The following IMMP2L variants were observed in gnomAD, a reference collection of about 807,000 sequenced individuals.
IMMP2L encodes mitochondrial inner membrane protease subunit 2.
In IMMP2L, 18 loss-of-function variants were observed where a neutral mutation model predicts 19.3. That is an observed-to-expected ratio of 0.93 (90% CI 0.64 to 1.38). IMMP2L has a LOEUF of 1.38. IMMP2L is among the 40% of genes most tolerant of loss of function. The probability of loss-of-function intolerance (pLI) is 0.00; values close to 1 mark genes in which losing one functional copy is unlikely to be tolerated. For missense variants in IMMP2L, 233 were observed against 218.2 expected (o/e 1.07, Z -0.43); for synonymous variants, 76 against 73.0 (o/e 1.04, Z -0.21).
chr7:110,817,299 G>A (rs1327840357), intron 5 of IMMP2L, among the ~76,000 whole-genome samples: 1 of 151,992 alleles, frequency 6.6e-6, no homozygotes, highest in Non-Finnish European at 1.5e-5. Flanking sequence ...AAAATCACGA[G>A]CATTCTTATA....
chr7:110,700,508 G>A (rs1053907019), intron 5 of IMMP2L, among the ~76,000 whole-genome samples: 1 of 152,120 alleles, frequency 6.6e-6, no homozygotes, highest in African/African-American at 2.4e-5. Flanking sequence ...CACAAATACT[G>A]TTTGACCAGT....
At chr7:111,426,237 C>T (rs1362540824) in intron 3 of IMMP2L, among the ~76,000 whole-genome samples, 1 of 151,070 alleles carries the variant, frequency 6.6e-6, no homozygotes, top group Non-Finnish European at 1.5e-5. Flanking sequence ...AATATATGTA[C>T]ATTAATCCCT....
chr7:111,087,015 G>C (rs979180219), intron 3 of IMMP2L, among the ~76,000 whole-genome samples: 1 of 152,164 alleles, frequency 6.6e-6, no homozygotes, highest in Non-Finnish European at 1.5e-5. Flanking sequence ...TGAGTACCTT[G>C]TGCAGTAGAA....
At chr7:110,775,477 T>C (rs895514976) in intron 5 of IMMP2L, among the ~76,000 whole-genome samples, 1 of 152,028 alleles carries the variant, frequency 6.6e-6, no homozygotes, top group African/African-American at 2.4e-5. Context: ...TTTTCTAAAC[T>C]TAAACTAGTA....
chr7:111,123,080 A>G lies in IMMP2L; in HGVS notation c.240-159515T>C, dbSNP rs1166699018. Reference sequence around the variant, plus strand: ...ACTGGCCTGGATTTATCTCAAAACAATTTATCTTCAGTCACCAATATTAAT... The same window carrying G: ...ACTGGCCTGGATTTATCTCAAAACAGTTTATCTTCAGTCACCAATATTAAT... On this transcript the variant is annotated intron_variant, in intron 3 of 5. Transcript: ENST00000405709. The surrounding 1 kb of genome is among the most constrained non-coding windows in gnomAD (Gnocchi z 6.4). 1 of 1,613,828 alleles carries G rather than the reference A, an allele frequency of 6.2e-7. No homozygotes were observed. The highest frequency in any genetic ancestry group is 8.5e-7 in the Non-Finnish European group (1 of 1,179,924).
At chr7:111,065,128 T>C (rs1438214041) in intron 3 of IMMP2L, among the ~76,000 whole-genome samples, 1 of 152,224 alleles carries the variant, frequency 6.6e-6, no homozygotes, top group Non-Finnish European at 1.5e-5. Context: ...ACTGTAATTA[T>C]CATGAGTATT....
At position 110,758,273 on chromosome 7, in the gene IMMP2L, G is replaced by GA. The variant is rs1447360332; in HGVS notation, c.409-94553dup. Among the ~76,000 whole-genome samples, 3 of 151,928 alleles carry GA rather than the reference G, an allele frequency of 2.0e-5. No homozygotes were observed. The highest frequency in any genetic ancestry group is 4.4e-5 in the Non-Finnish European group (3 of 67,966). ...GAGTGGACTTAAGAGAATGGGAGGA[G>GA]AAAAAACACCAGTTGTGAGTAAAGA... is the stretch of plus-strand genomic sequence containing the variant. On this transcript the variant is annotated intron_variant, in intron 5 of 5. Transcript: ENST00000405709. This position sits in a 1 kb window ranked among gnomAD's most constrained non-coding sequence, Gnocchi z 4.6.
intron 3 of IMMP2L, among the ~76,000 whole-genome samples, chr7:111,447,003 G>C (rs890375107): frequency 4.1e-5 from 6 of 146,934 alleles, no homozygotes; most frequent in African/African-American, 1.5e-4. Context: ...GGGAAGTTTA[G>C]AGAAAAAAGA....
chr7:111,546,921 G>A (rs568060712), intron 1 of IMMP2L, among the ~76,000 whole-genome samples: 22 of 152,268 alleles, frequency 1.4e-4, no homozygotes, highest in Middle Eastern at 6.8e-3. Context: ...CCCAGGTAAC[G>A]AGAACTTATT....
chr7:110,800,961 C>T (rs1801198351), intron 5 of IMMP2L, among the ~76,000 whole-genome samples: 1 of 152,036 alleles, frequency 6.6e-6, no homozygotes, highest in Non-Finnish European at 1.5e-5. Flanking sequence ...TGGGTACCTT[C>T]ATCAGAAATG....
chr7:111,380,025 A>G (rs1367373001), intron 3 of IMMP2L, among the ~76,000 whole-genome samples: 1 of 151,992 alleles, frequency 6.6e-6, no homozygotes, highest in Non-Finnish European at 1.5e-5. Flanking sequence ...AAATAGCTCC[A>G]TCGAAAACTC....
intron 2 of IMMP2L, among the ~76,000 whole-genome samples, chr7:111,497,566 T>A (rs574581626): frequency 6.6e-6 from 1 of 151,812 alleles, no homozygotes; most frequent in African/African-American, 2.4e-5. Context: ...AAAAACAAAC[T>A]GCTATGATCC....
intron 3 of IMMP2L, among the ~76,000 whole-genome samples, chr7:111,009,362 A>G (rs904643248): frequency 3.9e-5 from 6 of 152,100 alleles, no homozygotes; most frequent in African/African-American, 1.2e-4. Flanking sequence ...CAGAACATAT[A>G]TGCATTTTTT....
At chr7:110,970,974 A>G (rs1406547572) in intron 3 of IMMP2L, among the ~76,000 whole-genome samples, 1 of 152,172 alleles carries the variant, frequency 6.6e-6, no homozygotes, top group Non-Finnish European at 1.5e-5. Flanking sequence ...TATTCATACC[A>G]CAAAACACCC....
chr7:111,077,713 G>A (rs1351964481), intron 3 of IMMP2L, among the ~76,000 whole-genome samples: 1 of 152,262 alleles, frequency 6.6e-6, no homozygotes, highest in African/African-American at 2.4e-5. Flanking sequence ...ACTTAAAATT[G>A]TCTAATGGCT....
intron 5 of IMMP2L, among the ~76,000 whole-genome samples, chr7:110,839,150 T>C (rs1804800588): frequency 6.6e-6 from 1 of 152,094 alleles, no homozygotes; most frequent in Non-Finnish European, 1.5e-5. Flanking sequence ...TAGACGATGA[T>C]TCACAGTGAA....
intron 5 of IMMP2L, among the ~76,000 whole-genome samples, chr7:110,835,501 C>A (rs562399413): frequency 6.7e-6 from 1 of 150,208 alleles, no homozygotes; most frequent in South Asian, 2.1e-4. Context: ...GCCCTAGGAC[C>A]AAGGACAACT....
At chr7:111,279,536 C>T (rs1819469641) in intron 3 of IMMP2L, among the ~76,000 whole-genome samples, 2 of 152,068 alleles carry the variant, frequency 1.3e-5, no homozygotes, top group Non-Finnish European at 2.9e-5. Context: ...ATCTTGAGAT[C>T]CTAAGTGAAT....
intron 5 of IMMP2L, among the ~76,000 whole-genome samples, chr7:110,732,454 T>G (rs1286268695): frequency 6.6e-6 from 1 of 152,160 alleles, no homozygotes; most frequent in South Asian, 2.1e-4. Flanking sequence ...TAATTTGGCA[T>G]GTGAATTATG....
Sources: allele counts gnomAD v4.1 joint callset (sites outside exome capture counted in the v4.1 genomes callset), GRCh38; gene constraint gnomAD v4.1.1; non-coding constraint Gnocchi (gnomAD v3.1); transcripts MANE v1.5; gene names NCBI Gene and HGNC (gene_info 2026-07-23, HGNC 2026-07-21).